The following LNPK variants were observed in gnomAD, a reference collection of about 807,000 sequenced individuals.
LNPK encodes the protein lunapark, ER junction formation factor, also known as endoplasmic reticulum junction formation protein lunapark.
In LNPK, 29 loss-of-function variants were observed where a neutral mutation model predicts 55.2. That is an observed-to-expected ratio of 0.53 (90% confidence interval 0.39 to 0.72). The LOEUF is 0.72. LNPK is among the 30% of genes least tolerant of loss of function. LNPK has a pLI of 0.00. For missense variants in LNPK, 467 were observed against 494.8 expected (o/e 0.94, Z 0.53); for synonymous variants, 162 against 168.2 (o/e 0.96, Z 0.29).
At chr2:175,974,908 T>C (rs1686836505) in intron 5 of LNPK, among the ~76,000 whole-genome samples, 1 of 151,980 alleles carries the variant, frequency 6.6e-6, no homozygotes, top group African/African-American at 2.4e-5. Context: ...ATCCCTTTCA[T>C]AACCACGTCC....
chr2:175,930,275 AACACACACACACACAC>A (rs35338571), intron 12 of LNPK, 76 bp from the exon 13 acceptor site: 14,709 of 654,384 alleles, frequency 0.022, 188 homozygotes, highest in African/African-American at 0.074. Context: ...AAAAAAGATA[AACACACACACACACAC>A]ACACACACAC....
chr2:175,942,601 A>G (rs1684906935), intron 9 of LNPK, among the ~76,000 whole-genome samples: 2 of 152,130 alleles, frequency 1.3e-5, no homozygotes, highest in Admixed American at 6.5e-5. Flanking sequence ...TCAAAGAAAA[A>G]ATGAAAATTA....
At chr2:175,988,512 C>CAAAAAAAAAAAAAAAAAAAAAAAAAAAA (rs575414400) in intron 4 of LNPK, among the ~76,000 whole-genome samples, 1 of 58,728 alleles carries the variant, frequency 1.7e-5, no homozygotes, top group Non-Finnish European at 3.4e-5. Flanking sequence ...ACTCTGTCTC[C>CAAAAAAAAAAAAAAAAAAAAAAAAAAAA]AAAAAAAAAA....
chr2:175,930,862 G>T (rs1036111756), intron 12 of LNPK, among the ~76,000 whole-genome samples: 4 of 152,156 alleles, frequency 2.6e-5, no homozygotes, highest in African/African-American at 9.7e-5. Context: ...GTTAGGGAGA[G>T]AAAGAGAAGG....
intron 8 of LNPK, among the ~76,000 whole-genome samples, chr2:175,949,572 G>C (rs538631706): frequency 6.6e-5 from 10 of 152,060 alleles, no homozygotes; most frequent in African/African-American, 2.2e-4. Context: ...ACGAAGACTT[G>C]AGACTACTTC....
chr2:175,997,905 ATT>A (rs34249944), intron 1 of LNPK, among the ~76,000 whole-genome samples: 7 of 141,912 alleles, frequency 4.9e-5, no homozygotes, highest in Admixed American at 1.4e-4. Context: ...CACCCGGCTA[ATT>A]TTTTTTTTTT....
At chr2:175,944,097 C>A (rs1684999256) in intron 9 of LNPK, among the ~76,000 whole-genome samples, 1 of 151,888 alleles carries the variant, frequency 6.6e-6, no homozygotes, top group African/African-American at 2.4e-5. Flanking sequence ...GATACAAGAG[C>A]AATATACAAA....
chr2:175,930,321 G>T, intron 12 of LNPK, 122 bp from the exon 13 acceptor site: 3 of 603,176 alleles, frequency 5.0e-6, no homozygotes, highest in South Asian at 2.1e-5. Flanking sequence ...CACACACAAA[G>T]AAACCATACA....
In LNPK at chr2:175,963,720, T is replaced by TA. The variant is rs199787483; in HGVS notation, c.493+651dup. ...AAATATAATAAATAAATTAATTAAT[T>TA]AAAAAAAAAGAAAAGAACAAAGACA... On this transcript the variant is annotated intron_variant, in intron 8 of 12. Coordinates refer to ENST00000272748, the MANE Select transcript of LNPK (RefSeq NM_030650.3). Among the ~76,000 whole-genome samples the TA allele has an allele frequency of 5.3e-3, 788 of 150,056 alleles. 9 individuals carry two copies. Among genetic ancestry groups the TA allele is most frequent in the Non-Finnish European group, 5.6e-3 (375 of 67,452 alleles).
Position 175,927,517 on chromosome 2 carries a change from G to A in LNPK, c.*2450C>T, listed in dbSNP as rs1684065019. ...AAATTTAAGCTGAAATCTGAGGCAG[G>A]AAAGGGCATGGTCAGAGAACTGAAA... On this transcript the variant is annotated 3_prime_UTR_variant, in exon 13 of 13. Coordinates refer to ENST00000272748, the MANE Select transcript of LNPK (RefSeq NM_030650.3). 1 of 152,256 alleles carries A rather than the reference G, an allele frequency of 6.6e-6. No individual in the cohort carries two copies. Among genetic ancestry groups the A allele is most frequent in the Non-Finnish European group, 1.5e-5 (1 of 68,078 alleles). The allele number at this position is 152,256 out of a possible 1,614,324, so 9.4% of individuals were successfully genotyped here.
At chr2:176,001,324 A>G (rs1688151643) in intron 1 of LNPK, among the ~76,000 whole-genome samples, 1 of 152,164 alleles carries the variant, frequency 6.6e-6, no homozygotes, top group Non-Finnish European at 1.5e-5. Context: ...AGGAGGAAAC[A>G]GTAGACACCG....
chr2:175,940,736 C>G (rs1684794585), intron 9 of LNPK, among the ~76,000 whole-genome samples: 1 of 152,040 alleles, frequency 6.6e-6, no homozygotes, highest in African/African-American at 2.4e-5. Context: ...AATATTAAAA[C>G]AATTCTTATG....
chr2:175,979,751 A>G (rs1687082787), intron 5 of LNPK, 59 bp downstream of exon 5: 2 of 1,327,066 alleles, frequency 1.5e-6, no homozygotes, highest in African/African-American at 3.0e-5. Context: ...CTGTCTTACC[A>G]GCACATTCTA....
chr2:175,939,819 C>A, intron 9 of LNPK, 162 bp from the exon 10 acceptor site: 1 of 499,588 alleles, frequency 2.0e-6, no homozygotes, highest in South Asian at 3.9e-5. Flanking sequence ...TTCAAATTTT[C>A]ATTAAAAATA....
At chr2:175,985,392 A>C (rs1370633240) in intron 4 of LNPK, among the ~76,000 whole-genome samples, 1 of 152,230 alleles carries the variant, frequency 6.6e-6, no homozygotes, top group Non-Finnish European at 1.5e-5. Flanking sequence ...GGATTGAAGC[A>C]ATGTCAATTT....
In LNPK at chr2:175,929,373, C is replaced by A. The variant is rs532687948; in HGVS notation, c.*594G>T. Reference sequence around the variant, plus strand: ...TTTCATTGCATTCTCACTGAGAATTCGTACCAGTGCCAACGTAGTTACAGT... The same window carrying A: ...TTTCATTGCATTCTCACTGAGAATTAGTACCAGTGCCAACGTAGTTACAGT... On this transcript the variant is annotated 3_prime_UTR_variant, in exon 13 of 13. Transcript: ENST00000272748. 5 of 985,660 alleles carry A rather than the reference C, an allele frequency of 5.1e-6. No individual in the cohort carries two copies. Among genetic ancestry groups the A allele is most frequent in the Non-Finnish European group, 6.0e-6 (5 of 829,794 alleles). The allele number at this position is 985,660 out of a possible 1,614,324, so 61.1% of individuals were successfully genotyped here.
At chr2:175,993,070 A>AT in intron 3 of LNPK, 112 bp downstream of exon 3, 2 of 647,900 alleles carry the variant, frequency 3.1e-6, no homozygotes, top group Non-Finnish European at 5.2e-6. Context: ...GACTCACTCT[A>AT]TATCATTTCT....
Position 175,938,393 on chromosome 2 carries a change from A to C in LNPK, c.813-10T>G. On this transcript the variant is annotated splice_polypyrimidine_tract_variant and intron_variant, in intron 10 of 12. Transcript: ENST00000272748. ...ACATATAAGTGCATACCTACACCGT[A>C]AGGAAAAATGAACAGACCAGTTACA... is the stretch of plus-strand genomic sequence containing the variant. The C allele has an allele frequency of 3.2e-6, 5 of 1,545,952 alleles. No individual in the cohort carries two copies. The South Asian group carries it at 6.0e-5, about 19-fold the overall frequency.
intron 1 of LNPK, among the ~76,000 whole-genome samples, chr2:175,998,444 CAAA>C (rs761894057): frequency 6.0e-5 from 5 of 82,832 alleles, no homozygotes; most frequent in African/African-American, 4.8e-5. Context: ...CTCCGTCTCA[CAAA>C]AAAAAAAAAA....
Sources: allele counts gnomAD v4.1 joint callset (sites outside exome capture counted in the v4.1 genomes callset), GRCh38; gene constraint gnomAD v4.1.1; transcripts MANE v1.5; gene names NCBI Gene and HGNC (gene_info 2026-07-23, HGNC 2026-07-21).